Variants in SLC20A2 observed in about 807,000 individuals in gnomAD.
The protein encoded by SLC20A2 is solute carrier family 20 member 2.
In SLC20A2, 30 loss-of-function variants were observed where a neutral mutation model predicts 61.0. That is an observed-to-expected ratio of 0.49 (90% CI 0.37 to 0.67). SLC20A2 has a LOEUF of 0.67. Among genes scored for constraint, SLC20A2 ranks in the 30% least tolerant of loss-of-function variants. SLC20A2 has a pLI of 0.00. For missense variants in SLC20A2, 626 were observed against 866.4 expected, an observed-to-expected ratio of 0.72 and a Z score of 3.48; for synonymous variants, 351 against 353.3, an observed-to-expected ratio of 0.99 and a Z score of 0.07.
intron 1 of SLC20A2, among the ~76,000 whole-genome samples, chr8:42,477,695 A>T (rs1341446447): frequency 2.7e-5 from 4 of 148,424 alleles, no homozygotes; most frequent in African/African-American, 1.0e-4. Context: ...CTGGTCTTGA[A>T]CTCCTGACCT....
At chr8:42,452,410 G>C (rs1805804589) in intron 5 of SLC20A2, among the ~76,000 whole-genome samples, 1 of 145,888 alleles carries the variant, frequency 6.9e-6, no homozygotes, top group Non-Finnish European at 1.5e-5. Context: ...GGAGGAGGAA[G>C]AGATGAAGAA....
At chr8:42,500,151 T>A (rs1810229290) in intron 1 of SLC20A2, among the ~76,000 whole-genome samples, 2 of 152,240 alleles carry the variant, frequency 1.3e-5, no homozygotes, top group Non-Finnish European at 2.9e-5. Flanking sequence ...CTAGGAGAAC[T>A]GTTTTATTAA....
chr8:42,527,003 G>C (rs1237919111), intron 1 of SLC20A2, among the ~76,000 whole-genome samples: 1 of 151,748 alleles, frequency 6.6e-6, no homozygotes, highest in Non-Finnish European at 1.5e-5. Flanking sequence ...TACTTGGGAG[G>C]CTGAGGTGGA....
chr8:42,536,145 C>G (rs1216080185), intron 1 of SLC20A2, among the ~76,000 whole-genome samples: 1 of 152,182 alleles, frequency 6.6e-6, no homozygotes, highest in Non-Finnish European at 1.5e-5. Flanking sequence ...TCCTCAGATA[C>G]TTAAACAGAA....
chr8:42,505,910 A>G (rs1167720175), upstream of SLC20A2, among the ~76,000 whole-genome samples: 1 of 151,976 alleles, frequency 6.6e-6, no homozygotes, highest in Non-Finnish European at 1.5e-5. Flanking sequence ...AAAGCCATCA[A>G]AAAATGAACA....
intron 10 of SLC20A2, among the ~76,000 whole-genome samples, chr8:42,421,126 ATC>A (rs1803010271): frequency 1.3e-5 from 2 of 152,320 alleles, no homozygotes; most frequent in African/African-American, 4.8e-5. Context: ...TATTCAGATT[ATC>A]TTTTTATACC....
intron 4 of SLC20A2, chr8:42,460,290 T>C (rs1230832103): frequency 4.0e-6 from 1 of 249,056 alleles, no homozygotes; most frequent in Non-Finnish European, 8.0e-6. Context: ...AAAAGATCTG[T>C]TGGGTCAAGC....
At chr8:42,523,350 T>A (rs552488081) in intron 1 of SLC20A2, among the ~76,000 whole-genome samples, 190 of 151,858 alleles carry the variant, frequency 1.3e-3, no homozygotes, top group African/African-American at 2.9e-3. Context: ...AATAAATAAA[T>A]AAAATAAATA....
intron 2 of SLC20A2, among the ~76,000 whole-genome samples, chr8:42,469,102 T>A (rs563124339): frequency 1.3e-5 from 2 of 151,844 alleles, no homozygotes; most frequent in African/African-American, 4.8e-5. Context: ...CAGAATAGAA[T>A]TAAGGACAGA....
chr8:42,495,471 C>T (rs1438208463), intron 1 of SLC20A2, among the ~76,000 whole-genome samples: 1 of 152,178 alleles, frequency 6.6e-6, no homozygotes, highest in Non-Finnish European at 1.5e-5. Flanking sequence ...TATCTCTGTA[C>T]AGACACCATG....
At chr8:42,505,577 T>C (rs922061305), upstream of SLC20A2, among the ~76,000 whole-genome samples, 1 of 152,206 alleles carries the variant, frequency 6.6e-6, no homozygotes, top group Non-Finnish European at 1.5e-5. Flanking sequence ...TATTTTAAAA[T>C]GACATCTGGA....
chr8:42,515,024 C>T (rs1444943973), intron 1 of SLC20A2, among the ~76,000 whole-genome samples: 1 of 152,156 alleles, frequency 6.6e-6, no homozygotes, highest in East Asian at 1.9e-4. Flanking sequence ...GTACTGTGCA[C>T]CTAAGTGTCA....
chr8:42,507,265 AC>A (rs1810764857), intron 1 of SLC20A2, among the ~76,000 whole-genome samples: 1 of 152,192 alleles, frequency 6.6e-6, no homozygotes, highest in Admixed American at 6.6e-5. Flanking sequence ...GGAGGGCTAC[AC>A]CAGTGTGATC....
At chr8:42,441,034 C>G (rs1225965927) in intron 6 of SLC20A2, among the ~76,000 whole-genome samples, 1 of 151,922 alleles carries the variant, frequency 6.6e-6, no homozygotes, top group Non-Finnish European at 1.5e-5. Flanking sequence ...TTCTTGACCT[C>G]GTGAACTGCT....
Position 42,465,815 on chromosome 8 carries a change from C to T in SLC20A2, c.392G>A (p.Gly131Asp), listed in dbSNP as rs1262827582. 3.1e-6 allele frequency: 5 copies of T among 1,613,832 alleles called. No homozygotes were observed. The highest frequency in any genetic ancestry group is 4.2e-6 in the Non-Finnish European group (5 of 1,179,918). The change falls in exon 3 of 11, where the codon GGT becomes GAT. Residue 131 changes from glycine to aspartate, a missense_variant. By Grantham distance (94) the Gly-to-Asp change is moderately conservative. This residue lies in a region of SLC20A2 where 127 missense variants were observed against 215.4 expected (regional missense o/e 0.59). Transcript: ENST00000520262. ...STIGFSLVAI[G>D]TKGVQWMELV... The stretch of plus-strand genomic sequence containing the variant: ...CTCCATCCACTGCACACCTTTGGTA[C>T]CGATTGCGACCAGTGAGAATCCTAT...
rs781183228 is a variant in SLC20A2, at chr8:42,437,395, G to C, written c.1117C>G (p.Gln373Glu). ...CGCAGCAGCCGGTAGTTGCTTTCCT[G>C]GGCTGGCTTCTCCTCGGGGCCCCTG... ...IDRGPEEKPA[Q>E]ESNYRLLRRN... The change falls in exon 8 of 11, where the codon CAG becomes GAG. Residue 373 changes from glutamine to glutamate, a missense_variant. By Grantham distance (29) the Gln-to-Glu change is conservative (BLOSUM62 2). Transcript: ENST00000520262. This position sits in a 1 kb window ranked among gnomAD's most constrained non-coding sequence, Gnocchi z 6.4. 1.2e-6 allele frequency: 2 copies of C among 1,614,144 alleles called. No individual in the cohort carries two copies. Among genetic ancestry groups the C allele is most frequent in the Non-Finnish European group, 1.7e-6 (2 of 1,180,016 alleles).
intron 8 of SLC20A2, among the ~76,000 whole-genome samples, chr8:42,435,466 T>C (rs980272784): frequency 6.6e-5 from 10 of 152,104 alleles, no homozygotes; most frequent in Non-Finnish European, 1.5e-4. Flanking sequence ...TTAGGACTCG[T>C]TTTCCCCCAT....
intron 4 of SLC20A2, among the ~76,000 whole-genome samples, chr8:42,462,594 A>T (rs75752873): frequency 1.5e-5 from 2 of 136,100 alleles, no homozygotes; most frequent in Non-Finnish European, 3.1e-5. Flanking sequence ...TCTCTCCATT[A>T]AAAAAAAAAA....
chr8:42,460,441 A>C (rs1238143612), intron 4 of SLC20A2, among the ~76,000 whole-genome samples: 1 of 152,234 alleles, frequency 6.6e-6, no homozygotes, highest in Non-Finnish European at 1.5e-5. Context: ...GCATCCTCTA[A>C]GAGAGTCAGA....
Sources: allele counts gnomAD v4.1 joint callset (sites outside exome capture counted in the v4.1 genomes callset), GRCh38; gene constraint gnomAD v4.1.1; regional missense constraint gnomAD v4.1.1; non-coding constraint Gnocchi (gnomAD v3.1); transcripts MANE v1.5; gene names NCBI Gene and HGNC (gene_info 2026-07-23, HGNC 2026-07-21).